Variants in FBXL7 observed in about 807,000 individuals in gnomAD.
FBXL7 encodes F-box/LRR-repeat protein 7.
A neutral mutation model predicts 38.3 loss-of-function variants in FBXL7; 12 were observed. That is an observed-to-expected ratio of 0.31 (90% confidence interval 0.20 to 0.51). FBXL7 has a LOEUF of 0.51. FBXL7 is among the 20% of genes least tolerant of loss of function. The pLI is 0.98. For synonymous variants in FBXL7, 297 were observed against 300.9 expected (o/e 0.99, Z 0.13); for missense variants, 567 against 676.4 (o/e 0.84, Z 1.79).
rs77850273 is a variant in FBXL7 at position 15,565,600 on chromosome 5, A to C, written c.38-50383A>C. Among the ~76,000 whole-genome samples the C allele has an allele frequency of 4.5e-3, 682 of 151,944 alleles. 9 individuals carry two copies. Among genetic ancestry groups the C allele is most frequent in the African/African-American group, 0.016 (646 of 41,498 alleles). On this transcript the variant is annotated intron_variant, in intron 1 of 3. Transcript: ENST00000504595. ...ACAATAAATCTTGCTCTCTCTCTAT[A>C]TATATGTATATATATTGCACAATTA...
chr5:15,766,493 G>T (rs1736596047), intron 2 of FBXL7, among the ~76,000 whole-genome samples: 1 of 152,192 alleles, frequency 6.6e-6, no homozygotes, highest in South Asian at 2.1e-4. Context: ...GTTTATCTGA[G>T]CTTCATCACC....
chr5:15,643,813 C>A (rs1034649023), intron 2 of FBXL7, among the ~76,000 whole-genome samples: 27 of 152,312 alleles, frequency 1.8e-4, no homozygotes, highest in Non-Finnish European at 2.8e-4. Flanking sequence ...CCTTGATCAT[C>A]TGTCTCTTGG....
chr5:15,879,861 A>G (rs142726016), intron 2 of FBXL7, among the ~76,000 whole-genome samples: 17 of 152,324 alleles, frequency 1.1e-4, no homozygotes, highest in African/African-American at 3.8e-4. Flanking sequence ...GAGATGCCAA[A>G]TGCCAGGATC....
At chr5:15,554,312 C>T (rs1197425373) in intron 1 of FBXL7, among the ~76,000 whole-genome samples, 1 of 152,094 alleles carries the variant, frequency 6.6e-6, no homozygotes, top group Non-Finnish European at 1.5e-5. Flanking sequence ...CTATATCTCC[C>T]CAATTCAAGC....
chr5:15,763,851 A>G (rs937416846), intron 2 of FBXL7, among the ~76,000 whole-genome samples: 3 of 152,236 alleles, frequency 2.0e-5, no homozygotes, highest in Admixed American at 6.5e-5. Context: ...GGCTCCTGCA[A>G]TTATGGTGGC....
chr5:15,832,823 T>C (rs1043328478), intron 2 of FBXL7, among the ~76,000 whole-genome samples: 1 of 152,160 alleles, frequency 6.6e-6, no homozygotes, highest in Admixed American at 6.5e-5. Context: ...CTTTTTGATA[T>C]GATTTGGCTG....
chr5:15,685,217 A>T (rs1742980822), intron 2 of FBXL7, among the ~76,000 whole-genome samples: 1 of 152,210 alleles, frequency 6.6e-6, no homozygotes, highest in African/African-American at 2.4e-5. Flanking sequence ...CAAATTCTTT[A>T]TTATGTTCAT....
In FBXL7 at chr5:15,814,454, A is replaced by G. The variant is rs149609268; in HGVS notation, c.128-113436A>G. 2.6e-3 allele frequency among the ~76,000 whole-genome samples: 393 copies of G among 152,214 alleles called. 2 individuals are homozygous for G. The highest frequency in any genetic ancestry group is 8.7e-3 in the African/African-American group (363 of 41,532). ...GTTGGAGGACTAGGGGAGGGATAGC[A>G]TTAGGAGAAATACCTAATGTAAAAT... is the stretch of plus-strand genomic sequence containing the variant. On this transcript the variant is annotated intron_variant, in intron 2 of 3. Transcript: ENST00000504595.
intron 2 of FBXL7, among the ~76,000 whole-genome samples, chr5:15,644,183 G>T (rs922109122): frequency 2.6e-5 from 4 of 151,936 alleles, no homozygotes; most frequent in Non-Finnish European, 5.9e-5. Flanking sequence ...ATGACGCCAG[G>T]CGCAGTGGCC....
At chr5:15,665,415 A>G (rs550480306) in intron 2 of FBXL7, among the ~76,000 whole-genome samples, 1 of 152,236 alleles carries the variant, frequency 6.6e-6, no homozygotes, top group South Asian at 2.1e-4. Context: ...TCCTCCTGTG[A>G]TCTGCCAAAG....
intron 2 of FBXL7, among the ~76,000 whole-genome samples, chr5:15,641,095 C>A (rs950551490): frequency 2.0e-5 from 3 of 152,298 alleles, no homozygotes; most frequent in African/African-American, 7.2e-5. Flanking sequence ...ACAATCAAGG[C>A]AAGTCTCCAA....
rs1744062282 is a variant in FBXL7 at position 15,717,091 on chromosome 5, ATCT to A, written c.127+101021_127+101023del. On this transcript the variant is annotated intron_variant, in intron 2 of 3. Coordinates refer to ENST00000504595, the MANE Select transcript of FBXL7 (RefSeq NM_012304.5). The stretch of plus-strand genomic sequence containing the variant: ...CCTAAACCATTCCATATGATTAAAG[ATCT>A]TATTATCTTCAAAGACTTACAGATA... Among the ~76,000 whole-genome samples, 3 of 152,314 alleles carry A rather than the reference ATCT, an allele frequency of 2.0e-5. No individual in the cohort carries two copies. The South Asian group carries it at 6.2e-4, about 32-fold the overall frequency.
chr5:15,648,547 C>T (rs765696123), intron 2 of FBXL7, among the ~76,000 whole-genome samples: 34 of 152,170 alleles, frequency 2.2e-4, no homozygotes. Context: ...AACTAAAGCC[C>T]AGTTGAACAG....
At chr5:15,559,686 G>A (rs1005024185) in intron 1 of FBXL7, among the ~76,000 whole-genome samples, 5 of 152,150 alleles carry the variant, frequency 3.3e-5, no homozygotes, top group Admixed American at 2.6e-4. Context: ...CAAAACATCT[G>A]TAAAACAAAC....
chr5:15,648,326 C>T (rs1741602783), intron 2 of FBXL7, among the ~76,000 whole-genome samples: 1 of 152,126 alleles, frequency 6.6e-6, no homozygotes, highest in Non-Finnish European at 1.5e-5. Context: ...CCTGCTTTGT[C>T]ATTGAAGTCT....
intron 1 of FBXL7, among the ~76,000 whole-genome samples, chr5:15,567,164 AT>A (rs1738604279): frequency 6.6e-6 from 1 of 152,090 alleles, no homozygotes; most frequent in South Asian, 2.1e-4. Context: ...AGACCAAAAG[AT>A]GTTTTTAGAC....
chr5:15,761,684 T>C (rs1167082875), intron 2 of FBXL7, among the ~76,000 whole-genome samples: 1 of 152,018 alleles, frequency 6.6e-6, no homozygotes, highest in African/African-American at 2.4e-5. Context: ...GCTGGGACTG[T>C]AGGTGTACTC....
At chr5:15,756,130 T>C (rs760979907) in intron 2 of FBXL7, among the ~76,000 whole-genome samples, 2 of 152,218 alleles carry the variant, frequency 1.3e-5, no homozygotes, top group Non-Finnish European at 2.9e-5. Flanking sequence ...TAGTTACTGA[T>C]TTATGTGTTT....
intron 2 of FBXL7, among the ~76,000 whole-genome samples, chr5:15,665,717 A>C (rs1742251693): frequency 6.6e-6 from 1 of 152,214 alleles, no homozygotes; most frequent in Non-Finnish European, 1.5e-5. Context: ...TATACCTGTC[A>C]GTGTGAATTC....
Sources: gnomAD v4.1 joint callset for allele counts (sites outside exome capture counted in the v4.1 genomes callset) on GRCh38, gnomAD v4.1.1 for gene constraint, MANE v1.5 for transcripts, NCBI Gene and HGNC (gene_info 2026-07-23, HGNC 2026-07-21) for gene names.